Variants in MYL9 observed in about 807,000 individuals in gnomAD.
The protein encoded by MYL9 is myosin light chain 9.
A neutral mutation model predicts 12.8 loss-of-function variants in MYL9; 7 were observed. That is an observed-to-expected ratio of 0.55 (90% CI 0.31 to 1.03). The LOEUF (loss-of-function observed/expected upper bound fraction) is 1.03. Among genes scored for constraint, MYL9 ranks in the 50% least tolerant of loss-of-function variants. The pLI is 0.05. For missense variants in MYL9, 190 were observed against 242.7 expected (o/e 0.78, Z 1.44); for synonymous variants, 81 against 87.8 (o/e 0.92, Z 0.43).
intron 1 of MYL9, 78 bp from the exon 2 acceptor site, chr20:36,544,780 TA>T: frequency 7.7e-7 from 1 of 1,296,656 alleles, no homozygotes; most frequent in Non-Finnish European, 1.1e-6. Flanking sequence ...GCCGAAGTGC[TA>T]AAAGCCAGTC....
In MYL9 at chr20:36,551,227, A is replaced by C. The variant is rs908134232; in HGVS notation, c.*1978A>C. On this transcript the variant is annotated 3_prime_UTR_variant, in exon 4 of 4. Coordinates refer to ENST00000279022, the MANE Select transcript of MYL9 (RefSeq NM_006097.5). Reference sequence around the variant, plus strand: ...ACTGGCCTGGGGGCTACCTTGACCCACAGGAAGGGAAGAGGAACGTGCTCT... The same window carrying C: ...ACTGGCCTGGGGGCTACCTTGACCCCCAGGAAGGGAAGAGGAACGTGCTCT... 2 of 152,388 alleles carry C rather than the reference A, an allele frequency of 1.3e-5. No homozygotes were observed. Among genetic ancestry groups the C allele is most frequent in the Non-Finnish European group, 2.9e-5 (2 of 68,200 alleles). The allele number at this position is 152,388 out of a possible 1,614,324, so 9.4% of individuals were successfully genotyped here.
chr20:36,544,071 C>T (rs2038066766), intron 1 of MYL9, among the ~76,000 whole-genome samples: 1 of 151,968 alleles, frequency 6.6e-6, no homozygotes, highest in Non-Finnish European at 1.5e-5. Context: ...CTGTATGGGA[C>T]AGAAGAGGCC....
intron 2 of MYL9, among the ~76,000 whole-genome samples, chr20:36,545,279 A>T (rs555607183): frequency 1.4e-5 from 2 of 145,558 alleles, no homozygotes; most frequent in East Asian, 2.1e-4. Context: ...GGGCGGATCA[A>T]TAGGTCAGGA....
intron 2 of MYL9, among the ~76,000 whole-genome samples, chr20:36,546,862 A>G (rs991444431): frequency 6.6e-6 from 1 of 152,030 alleles, no homozygotes; most frequent in East Asian, 1.9e-4. Flanking sequence ...CTCCCAAAGT[A>G]CTGGGATTAC....
At chr20:36,544,035 T>A (rs1210279021) in intron 1 of MYL9, among the ~76,000 whole-genome samples, 11 of 152,078 alleles carry the variant, frequency 7.2e-5, no homozygotes, top group Non-Finnish European at 1.3e-4. Context: ...TTCAAGGGCT[T>A]CACAATGATA....
intron 1 of MYL9, 59 bp from the exon 2 acceptor site, chr20:36,544,800 G>A: frequency 7.0e-7 from 1 of 1,437,064 alleles, no homozygotes; most frequent in Non-Finnish European, 9.4e-7. Flanking sequence ...TCTGGGGGAG[G>A]CAGGAAGATT....
At chr20:36,548,499 C>G (rs4812071) in intron 3 of MYL9, among the ~76,000 whole-genome samples, 2,405 of 152,346 alleles carry the variant, frequency 0.016, 79 homozygotes, top group Admixed American at 0.083. Context: ...AACTGGCCCC[C>G]CTCCTCGGAT....
In MYL9 at chr20:36,548,133, G is replaced by A. The variant is rs761250357; in HGVS notation, c.286G>A (p.Gly96Ser). ...FLTMFGEKLNGTDPEDVIRNA... is the reference protein window; with the variant it reads ...FLTMFGEKLNSTDPEDVIRNA... Reference sequence around the variant, plus strand: ...CACCATGTTTGGGGAGAAGCTGAACGGCACGGACCCCGAGGATGTGATTCG... The same window carrying A: ...CACCATGTTTGGGGAGAAGCTGAACAGCACGGACCCCGAGGATGTGATTCG... Residue 96 changes from glycine (G) to serine (S), a missense_variant, in exon 3 of 4, where the codon GGC (glycine) becomes AGC (serine). By Grantham distance (56) the Gly-to-Ser change is moderately conservative. Coordinates refer to ENST00000279022, the MANE Select transcript of MYL9 (RefSeq NM_006097.5). The A allele has an allele frequency of 1.9e-6, 3 of 1,613,836 alleles. No homozygotes were observed. Among genetic ancestry groups the A allele is most frequent in the Non-Finnish European group, 2.5e-6 (3 of 1,179,878 alleles).
At chr20:36,542,053 G>C (rs1320640592) in intron 1 of MYL9, among the ~76,000 whole-genome samples, 1 of 152,070 alleles carries the variant, frequency 6.6e-6, no homozygotes, top group Non-Finnish European at 1.5e-5. Flanking sequence ...CCTACACCCT[G>C]GGCCAGGGGA....
chr20:36,545,173 G>A, intron 2 of MYL9, 105 bp downstream of exon 2: 2 of 1,293,774 alleles, frequency 1.5e-6, no homozygotes, highest in South Asian at 1.4e-5. Context: ...GTCCACCTTA[G>A]AGAATAGTTG....
Position 36,545,124 on chromosome 20 carries a change from T to A in MYL9, c.184+56T>A, listed in dbSNP as rs2038079436. ...GATGAGGCCAGGCAGGCTCTGCCAA[T>A]CATTTACAGGGCACCTCCTGTGTAG... On this transcript the variant is annotated intron_variant, in intron 2 of 3. Transcript: ENST00000279022. 2.7e-5 allele frequency: 43 copies of A among 1,579,290 alleles called. No homozygotes were observed. The South Asian group carries it at 3.8e-4, about 14-fold the overall frequency.
At chr20:36,545,720 G>T (rs2147896489) in intron 2 of MYL9, among the ~76,000 whole-genome samples, 2 of 152,098 alleles carry the variant, frequency 1.3e-5, no homozygotes, top group South Asian at 4.1e-4. Flanking sequence ...CACGAGGTCA[G>T]AAGATCGAGA....
rs188740558 is a variant in MYL9, at chr20:36,542,661, C to T, written c.-27+1100C>T. 2.6e-5 allele frequency among the ~76,000 whole-genome samples: 4 copies of T among 152,312 alleles called. No homozygotes were observed. The East Asian group carries it at 7.7e-4, about 29-fold the overall frequency. ...CACCAGCAGCCAAGTTTGCTCTCCA[C>T]TGACCCAAACCTAGCCCAGGAATCC... is the stretch of plus-strand genomic sequence containing the variant. On this transcript the variant is annotated intron_variant, in intron 1 of 3. Coordinates refer to ENST00000279022, the MANE Select transcript of MYL9 (RefSeq NM_006097.5).
chr20:36,545,064 G>A lies in MYL9; in HGVS notation c.180G>A (p.Ser60=), dbSNP rs1346237000. 2.1e-5 allele frequency: 34 copies of A among 1,613,460 alleles called. No homozygotes were observed. Among genetic ancestry groups the A allele is most frequent in the East Asian group, 6.7e-5 (3 of 44,896 alleles). Residue 60 remains serine, a synonymous_variant, in exon 2 of 4, where the codon TCG becomes TCA. Transcript: ENST00000279022. ...AGGACCTGCACGACATGCTGGCCTC[G>A]CTGGGTGAGCTGGGACAGGGACAGG... ...DKEDLHDMLA[S]LGKNPTDEYL...
chr20:36,545,095 G>A, intron 2 of MYL9, 27 bp downstream of exon 2: 1 of 1,610,184 alleles, frequency 6.2e-7, no homozygotes, highest in East Asian at 2.2e-5. Flanking sequence ...ACAGGGGTGA[G>A]ATGGATGAGG....
intron 2 of MYL9, among the ~76,000 whole-genome samples, chr20:36,547,767 G>A (rs1404271034): frequency 6.6e-6 from 1 of 152,234 alleles, no homozygotes; most frequent in Non-Finnish European, 1.5e-5. Context: ...CGAGCAGTCT[G>A]CAGAGGGTTG....
chr20:36,545,237 C>T lies in MYL9; in HGVS notation c.184+169C>T, dbSNP rs560099255. Among the ~76,000 whole-genome samples the T allele has an allele frequency of 2.0e-5, 3 of 152,320 alleles. No individual in the cohort carries two copies. In the South Asian group the frequency reaches 6.2e-4, roughly 32 times the overall value. ...ACTGGGCCGGGCGCGGTGGCTCACG[C>T]CTGTAATCCCAGCACTTTGGGAGGC... On this transcript the variant is annotated intron_variant, in intron 2 of 3. Transcript: ENST00000279022.
chr20:36,543,849 G>A (rs955083564), intron 1 of MYL9, among the ~76,000 whole-genome samples: 2 of 152,160 alleles, frequency 1.3e-5, no homozygotes, highest in Non-Finnish European at 2.9e-5. Context: ...CAGGGGAGGA[G>A]GGGACCACAG....
intron 1 of MYL9, among the ~76,000 whole-genome samples, chr20:36,542,135 T>C (rs1228446553): frequency 6.6e-6 from 1 of 152,130 alleles, no homozygotes; most frequent in Non-Finnish European, 1.5e-5. Flanking sequence ...TTCCCCTCTC[T>C]GGGTCATCTC....
Sources: gnomAD v4.1 joint callset for allele counts (sites outside exome capture counted in the v4.1 genomes callset) on GRCh38, gnomAD v4.1.1 for gene constraint, MANE v1.5 for transcripts, NCBI Gene and HGNC (gene_info 2026-07-23, HGNC 2026-07-21) for gene names.